The following ZNF608 variants were observed in gnomAD, a reference collection of about 807,000 sequenced individuals.
ZNF608 encodes the protein zinc finger protein 608.
A neutral mutation model predicts 109.0 loss-of-function variants in ZNF608; 12 were observed. That is an observed-to-expected ratio of 0.11 (90% CI 0.07 to 0.18). The LOEUF (loss-of-function observed/expected upper bound fraction) is 0.18, where lower values mean the gene tolerates loss of function less well. Ranked by LOEUF, ZNF608 falls within the 10% of genes least tolerant of loss-of-function variation. The probability of loss-of-function intolerance (pLI) is 1.00; values close to 1 mark genes in which losing one functional copy is unlikely to be tolerated. For missense variants in ZNF608, 1,707 were observed against 1,879.3 expected (o/e 0.91, Z 1.70); for synonymous variants, 732 against 717.4 (o/e 1.02, Z -0.33).
intron 2 of ZNF608, among the ~76,000 whole-genome samples, chr5:124,716,156 A>G (rs942673816): frequency 1.3e-5 from 2 of 151,236 alleles, no homozygotes; most frequent in South Asian, 4.2e-4. Context: ...AAAAAAAAAA[A>G]AAAAAAAGAA....
intron 3 of ZNF608, among the ~76,000 whole-genome samples, chr5:124,654,640 A>G (rs1580551519): frequency 6.6e-6 from 1 of 152,128 alleles, no homozygotes; most frequent in Admixed American, 6.5e-5. Context: ...TGAGCTCACA[A>G]CTAGACTCCT....
chr5:124,742,596 G>A (rs1446165352), intron 2 of ZNF608, among the ~76,000 whole-genome samples: 3 of 152,038 alleles, frequency 2.0e-5, no homozygotes, highest in African/African-American at 4.8e-5. Context: ...CTCAAAACCC[G>A]GAATTTTCAA....
At chr5:124,729,808 C>A (rs1293093216) in intron 2 of ZNF608, among the ~76,000 whole-genome samples, 2 of 152,162 alleles carry the variant, frequency 1.3e-5, no homozygotes, top group African/African-American at 2.4e-5. Context: ...ACCATCTGGA[C>A]AAAAATCTTC....
chr5:124,650,756 T>G (rs1198015079), intron 3 of ZNF608, among the ~76,000 whole-genome samples: 2 of 152,246 alleles, frequency 1.3e-5, no homozygotes, highest in African/African-American at 4.8e-5. Context: ...TTTTCTTTTC[T>G]GCATCTACCC....
chr5:124,741,394 GAA>G (rs34192958), intron 2 of ZNF608, among the ~76,000 whole-genome samples: 872 of 68,352 alleles, frequency 0.013, 7 homozygotes, highest in African/African-American at 0.042. Context: ...CTTCCAACCA[GAA>G]AAAAAAAAAA....
chr5:124,665,526 G>A (rs1401088890), intron 3 of ZNF608, among the ~76,000 whole-genome samples: 1 of 152,218 alleles, frequency 6.6e-6, no homozygotes, highest in Non-Finnish European at 1.5e-5. Context: ...AAGTGAAGGA[G>A]CCTGTCTCAG....
At position 124,644,645 on chromosome 5, in the gene ZNF608, G is replaced by A. The variant is rs1750416518; in HGVS notation, c.3722C>T (p.Thr1241Ile). The change falls in exon 6 of 10, where the codon ACA (threonine) becomes ATA (isoleucine). Residue 1241 changes from threonine to isoleucine, a missense_variant. Physicochemically the swap from Thr to Ile is moderately conservative, Grantham distance 89 (BLOSUM62 -1). Coordinates refer to ENST00000513986, the MANE Select transcript of ZNF608 (RefSeq NM_020747.3). Reference sequence around the variant, plus strand: ...GGGCTGGTATACATAATGATGCCATGTTCTTGAATCTGGGTCCTGATTTTT... The same window carrying A: ...GGGCTGGTATACATAATGATGCCATATTCTTGAATCTGGGTCCTGATTTTT... ...SRFKQDPDSR[T>I]WHHYVYQPKY... 1 of 1,545,990 alleles carries A rather than the reference G, an allele frequency of 6.5e-7. No homozygotes were observed. Among genetic ancestry groups the A allele is most frequent in the Admixed American group, 2.0e-5 (1 of 48,784 alleles).
Position 124,639,003 on chromosome 5 carries a change from T to C in ZNF608, c.4532+130A>G, listed in dbSNP as rs536565839. Reference sequence around the variant, plus strand: ...TGTGAAGCAACTTATATTGGCATAATAAACACATTCATTACAATGATATAA... The same window carrying C: ...TGTGAAGCAACTTATATTGGCATAACAAACACATTCATTACAATGATATAA... On this transcript the variant is annotated intron_variant, in intron 9 of 9. Transcript: ENST00000513986. 1.7e-4 allele frequency: 160 copies of C among 928,574 alleles called. 1 individual carries two copies. The African/African-American group carries it at 2.3e-3, about 14-fold the overall frequency. The allele number at this position is 928,574 out of a possible 1,614,324, so 57.5% of individuals were successfully genotyped here.
At chr5:124,677,498 A>G (rs190457992) in intron 3 of ZNF608, among the ~76,000 whole-genome samples, 1 of 152,210 alleles carries the variant, frequency 6.6e-6, no homozygotes, top group Non-Finnish European at 1.5e-5. Context: ...TATACTTTAC[A>G]GGAAACCAAG....
At chr5:124,717,387 C>G (rs1004103068) in intron 2 of ZNF608, among the ~76,000 whole-genome samples, 1 of 152,124 alleles carries the variant, frequency 6.6e-6, no homozygotes, top group Non-Finnish European at 1.5e-5. Context: ...AGGAGAATTG[C>G]TTGAACCCAA....
intron 3 of ZNF608, among the ~76,000 whole-genome samples, chr5:124,650,401 T>C (rs926062542): frequency 6.6e-6 from 1 of 152,238 alleles, no homozygotes; most frequent in African/African-American, 2.4e-5. Flanking sequence ...ACAATAGATT[T>C]ACTCTTGGGG....
intron 3 of ZNF608, among the ~76,000 whole-genome samples, chr5:124,669,532 G>A (rs886486746): frequency 2.6e-5 from 4 of 152,184 alleles, no homozygotes; most frequent in African/African-American, 7.2e-5. Flanking sequence ...GCTATAGGCT[G>A]CAAGGCACTA....
Position 124,647,008 on chromosome 5 carries a change from C to T in ZNF608, c.3376G>A (p.Asp1126Asn). ...EQKMAQTGRG[D>N]CERKSELPLK... The stretch of plus-strand genomic sequence containing the variant: ...GGGAGCTCACTTTTCCTTTCACAGT[C>T]TCCTCTCCCAGTCTGGGCCATTTTC... Residue 1126 changes from aspartate to asparagine, a missense_variant, in exon 5 of 10, where the codon GAC becomes AAC. Coordinates refer to ENST00000513986, the MANE Select transcript of ZNF608 (RefSeq NM_020747.3). 2 of 1,614,086 alleles carry T rather than the reference C, an allele frequency of 1.2e-6. No individual in the cohort carries two copies. The highest frequency in any genetic ancestry group is 1.3e-5 in the African/African-American group (1 of 75,012).
intron 3 of ZNF608, among the ~76,000 whole-genome samples, chr5:124,669,621 C>CA (rs1020872860): frequency 6.6e-6 from 1 of 151,204 alleles, no homozygotes; most frequent in African/African-American, 2.4e-5. Context: ...GTCCCTGGTT[C>CA]AAAAAATCCA....
At chr5:124,682,014 C>T (rs527576363) in intron 3 of ZNF608, among the ~76,000 whole-genome samples, 6 of 152,336 alleles carry the variant, frequency 3.9e-5, no homozygotes, top group South Asian at 2.1e-4. Flanking sequence ...GACATTTTTA[C>T]GCGTTACATT....
At chr5:124,666,234 G>T (rs1751472420) in intron 3 of ZNF608, 1 of 151,968 alleles carries the variant, frequency 6.6e-6, no homozygotes, top group Non-Finnish European at 1.5e-5. Flanking sequence ...CGTGTTGCTT[G>T]GCAATGCAAA....
chr5:124,696,652 G>A (rs1580645294), intron 3 of ZNF608, among the ~76,000 whole-genome samples: 1 of 152,116 alleles, frequency 6.6e-6, no homozygotes, highest in Non-Finnish European at 1.5e-5. Context: ...AGTTCATGTT[G>A]AGGAGCAAAG....
At chr5:124,667,993 A>G (rs1035761528) in intron 3 of ZNF608, among the ~76,000 whole-genome samples, 8 of 151,976 alleles carry the variant, frequency 5.3e-5, no homozygotes, top group Non-Finnish European at 1.2e-4. Context: ...ATGACAAGGT[A>G]CGTGAATCAC....
At chr5:124,724,466 T>C (rs1016918364) in intron 2 of ZNF608, among the ~76,000 whole-genome samples, 1 of 134,182 alleles carries the variant, frequency 7.5e-6, no homozygotes, top group Non-Finnish European at 1.5e-5. Flanking sequence ...GTAGGAGACA[T>C]GGTCAAACCC....
Sources: gnomAD v4.1 joint callset for allele counts (sites outside exome capture counted in the v4.1 genomes callset) on GRCh38, gnomAD v4.1.1 for gene constraint, MANE v1.5 for transcripts, NCBI Gene and HGNC (gene_info 2026-07-23, HGNC 2026-07-21) for gene names.